Variants in PHF8 observed in about 807,000 individuals in gnomAD.
PHF8 encodes the protein PHD finger protein 8, also known as histone lysine demethylase PHF8.
Under a neutral mutation model 74.4 loss-of-function variants are expected in PHF8, and 9 were observed. The observed-to-expected ratio is 0.12, with a 90% CI of 0.07 to 0.21. PHF8 has a LOEUF of 0.21. Ranked by LOEUF, PHF8 falls within the 10% of genes least tolerant of loss-of-function variation. PHF8 has a pLI of 1.00. For missense variants in PHF8, 478 were observed against 816.6 expected (o/e 0.59, Z 5.05); for synonymous variants, 311 against 316.6 (o/e 0.98, Z 0.19).
chrX:53,966,206 C>T (rs1036601580), intron 18 of PHF8, among the ~76,000 whole-genome samples: 4 of 110,861 alleles, frequency 3.6e-5, no homozygotes, highest in Non-Finnish European at 7.6e-5. Context: ...TGTCCCTCTC[C>T]CTCTCCCTCT....
intron 8 of PHF8, among the ~76,000 whole-genome samples, chrX:54,010,030 A>G (rs2065959965): frequency 9.3e-6 from 1 of 107,431 alleles, no homozygotes; most frequent in Admixed American, 1.0e-4. Flanking sequence ...AGAAAATACT[A>G]TGGCTGGGTG....
chrX:53,939,978 A>G (rs2064725386), intron 21 of PHF8, among the ~76,000 whole-genome samples: 1 of 110,744 alleles, frequency 9.0e-6, no homozygotes, highest in East Asian at 2.9e-4. Context: ...TCTGGCCACC[A>G]GAAGGATCTT....
At chrX:54,045,601 A>G (rs1399908188), upstream of PHF8, among the ~76,000 whole-genome samples, 9 of 112,749 alleles carry the variant, frequency 8.0e-5, no homozygotes, top group Admixed American at 8.4e-4. Context: ...TGAAGCTACA[A>G]AAGAGCCTTA....
intron 8 of PHF8, among the ~76,000 whole-genome samples, chrX:54,006,790 T>C (rs1201405247): frequency 1.8e-5 from 2 of 108,942 alleles, no homozygotes; most frequent in African/African-American, 3.4e-5. Context: ...ACGAAAAAAT[T>C]AGCCGGGCAT....
chrX:53,958,793 A>G lies in PHF8; in HGVS notation c.2539+4051T>C, dbSNP rs1460867057. Among the ~76,000 whole-genome samples, 11 of 106,000 alleles carry G rather than the reference A, an allele frequency of 1.0e-4. 1 individual carries two copies. Among genetic ancestry groups the G allele is most frequent in the South Asian group, 4.2e-4 (1 of 2,393 alleles). 92.0% of individuals were successfully genotyped at this position (106,000 alleles called of 115,157 possible). A position where few individuals can be genotyped will look rare whatever the true frequency, so the allele number is the denominator to read the frequency against. ...TCCCTCTCAAAAAAAAAAAAAAAAA[A>G]AAAAAAAAGCTGATAACACTAGTTG... On this transcript the variant is annotated intron_variant, in intron 19 of 21. Transcript: ENST00000338154.
At chrX:54,018,769 C>T (rs782085364) in intron 4 of PHF8, among the ~76,000 whole-genome samples, 2 of 110,272 alleles carry the variant, frequency 1.8e-5, no homozygotes, top group South Asian at 3.8e-4. Flanking sequence ...TACAGGCATG[C>T]GCCACCACGC....
intron 19 of PHF8, among the ~76,000 whole-genome samples, chrX:53,958,556 C>T (rs1325416902): frequency 1.9e-5 from 2 of 102,965 alleles, no homozygotes; most frequent in South Asian, 4.7e-4. Context: ...CCGAGGCGGG[C>T]GGATCACGAG....
chrX:54,046,779 C>T (rs782334517), upstream of PHF8, among the ~76,000 whole-genome samples: 1 of 111,065 alleles, frequency 9.0e-6, no homozygotes, highest in East Asian at 2.8e-4. Flanking sequence ...ATGGGAGGAT[C>T]ACTTGAGCCC....
chrX:54,038,128 T>C (rs1241255379), intron 2 of PHF8, among the ~76,000 whole-genome samples: 1 of 112,002 alleles, frequency 8.9e-6, no homozygotes, highest in Non-Finnish European at 1.9e-5. Context: ...GCAATGATTC[T>C]CAAATGTTAG....
intron 8 of PHF8, among the ~76,000 whole-genome samples, chrX:54,009,365 G>A (rs1557106157): frequency 1.8e-5 from 2 of 110,386 alleles, no homozygotes; most frequent in African/African-American, 6.6e-5. Flanking sequence ...CAATATTTGT[G>A]TGACACACCT....
chrX:54,027,984 CCACACACACA>C (rs782177087), intron 2 of PHF8, among the ~76,000 whole-genome samples: 4 of 96,510 alleles, frequency 4.1e-5, no homozygotes, highest in African/African-American at 1.2e-4. Flanking sequence ...ACTATACACA[CCACACACACA>C]CACACACACA....
intron 2 of PHF8, among the ~76,000 whole-genome samples, chrX:54,026,661 A>G (rs1217618782): frequency 9.0e-6 from 1 of 110,783 alleles, no homozygotes; most frequent in Non-Finnish European, 1.9e-5. Flanking sequence ...AGTGGTGCCA[A>G]TCATAGTTCA....
At chrX:53,987,053 G>GT in intron 16 of PHF8, 25 bp downstream of exon 16, 1 of 977,601 alleles carries the variant, frequency 1.0e-6, no homozygotes, top group South Asian at 1.9e-5. Flanking sequence ...ATGAGCAGAA[G>GT]ACTAGATCCA....
chrX:53,988,252 C>T (rs1431179159), intron 14 of PHF8, among the ~76,000 whole-genome samples: 2 of 111,464 alleles, frequency 1.8e-5, no homozygotes, highest in East Asian at 2.8e-4. Context: ...AAAAGAGTTC[C>T]GAATAAACCC....
chrX:54,038,324 T>C lies in PHF8; in HGVS notation c.98+4307A>G, dbSNP rs184641790. Reference sequence around the variant, plus strand: ...AAAAGAATGTTCATTCCAATTTTTCTGTACCAAAAAAAGAGAATGACTGGT... The same window carrying C: ...AAAAGAATGTTCATTCCAATTTTTCCGTACCAAAAAAAGAGAATGACTGGT... On this transcript the variant is annotated intron_variant, in intron 2 of 21. Transcript: ENST00000338154. 3.5e-3 allele frequency among the ~76,000 whole-genome samples: 394 copies of C among 112,550 alleles called. 1 individual carries two copies. The highest frequency in any genetic ancestry group is 4.4e-3 in the Non-Finnish European group (236 of 53,314).
intron 2 of PHF8, among the ~76,000 whole-genome samples, chrX:54,036,993 G>GAAAAAA (rs1349551369): frequency 1.8e-5 from 1 of 54,733 alleles, no homozygotes; most frequent in Non-Finnish European, 3.4e-5. Flanking sequence ...GGCTGTTTCA[G>GAAAAAA]AAAAAATAAA....
At chrX:53,945,112 G>A (rs997977636) in intron 19 of PHF8, among the ~76,000 whole-genome samples, 46 of 110,457 alleles carry the variant, frequency 4.2e-4, no homozygotes, top group Non-Finnish European at 8.0e-4. Context: ...TTGGGAGGCC[G>A]AGGCGGGTGG....
intron 2 of PHF8, among the ~76,000 whole-genome samples, chrX:54,036,571 CAAAAAAAAAAAAAAAA>C (rs1160936317): frequency 1.6e-4 from 1 of 6,200 alleles, no homozygotes; most frequent in Non-Finnish European, 3.5e-4. Flanking sequence ...GACACTGTCT[CAAAAAAAAAAAAAAAA>C]AAAAAAAAAA....
chrX:53,943,474 T>A, intron 20 of PHF8: 1 of 995,242 alleles, frequency 1.0e-6, no homozygotes, highest in Non-Finnish European at 1.3e-6. Context: ...ACATTATATA[T>A]GGAAGCAACT....
Sources: allele counts gnomAD v4.1 joint callset (sites outside exome capture counted in the v4.1 genomes callset), GRCh38; gene constraint gnomAD v4.1.1; transcripts MANE v1.5; gene names NCBI Gene and HGNC (gene_info 2026-07-23, HGNC 2026-07-21).